The following PAWR variants were observed in gnomAD, a reference collection of about 807,000 sequenced individuals.
PAWR encodes PRKC apoptosis WT1 regulator protein.
PAWR carries 23 observed loss-of-function variants against 32.0 expected under a neutral mutation model. The ratio of observed to expected loss-of-function variants is 0.72; its 90% CI spans 0.52 to 1.02. PAWR has a LOEUF of 1.02. Among genes scored for constraint, PAWR ranks in the 50% least tolerant of loss-of-function variants. PAWR has a pLI of 0.00. For missense variants in PAWR, 457 were observed against 437.7 expected, an observed-to-expected ratio of 1.04 and a Z score of -0.39; for synonymous variants, 226 against 187.1, an observed-to-expected ratio of 1.21 and a Z score of -1.70.
intron 2 of PAWR, chr12:79,632,312 C>CATATATATAT (rs71091677): frequency 3.4e-4 from 4 of 11,604 alleles, no homozygotes; most frequent in East Asian, 4.3e-3. Flanking sequence ...TATATACATA[C>CATATATATAT]ATATATATAT....
At chr12:79,614,866 C>T (rs1874650525) in intron 3 of PAWR, among the ~76,000 whole-genome samples, 1 of 152,152 alleles carries the variant, frequency 6.6e-6, no homozygotes. Flanking sequence ...GGGATCGGAT[C>T]AAGTTTCCAA....
intron 2 of PAWR, among the ~76,000 whole-genome samples, chr12:79,649,432 T>A (rs1373269485): frequency 1.3e-5 from 2 of 152,150 alleles, no homozygotes; most frequent in East Asian, 3.9e-4. Context: ...AATACATGTA[T>A]GTTAGGATAT....
At chr12:79,672,970 C>T (rs1877982222) in intron 2 of PAWR, among the ~76,000 whole-genome samples, 1 of 152,108 alleles carries the variant, frequency 6.6e-6, no homozygotes, top group African/African-American at 2.4e-5. Flanking sequence ...AAACCACTAC[C>T]ACAACGAAAA....
intron 2 of PAWR, among the ~76,000 whole-genome samples, chr12:79,661,824 A>C (rs1214516175): frequency 6.6e-6 from 1 of 152,178 alleles, no homozygotes; most frequent in Non-Finnish European, 1.5e-5. Context: ...TAAGCAGGGG[A>C]GACTACAGAG....
chr12:79,640,203 A>C (rs1876254514), intron 2 of PAWR, among the ~76,000 whole-genome samples: 1 of 152,030 alleles, frequency 6.6e-6, no homozygotes, highest in South Asian at 2.1e-4. Context: ...GTGCCTGGCC[A>C]TAAATCTATT....
rs1874558978 is a variant in PAWR, at chr12:79,613,934, TATATATATATATATATATA to T, written c.649-344_649-326del. ...GGGGCATTAAAAAGTACCACCATTA[TATATATATATATATATATA>T]TATATATATATATATATATATATAT... On this transcript the variant is annotated intron_variant, in intron 3 of 6. Transcript: ENST00000328827. 2.0e-3 allele frequency among the ~76,000 whole-genome samples: 8 copies of T among 3,984 alleles called. 1 individual carries two copies. The highest frequency in any genetic ancestry group is 8.1e-3 in the East Asian group (1 of 124). 2.6% of individuals were successfully genotyped at this position (3,984 alleles called of 152,430 possible).
chr12:79,616,646 A>T (rs1874750449), intron 3 of PAWR, among the ~76,000 whole-genome samples: 1 of 152,216 alleles, frequency 6.6e-6, no homozygotes, highest in Non-Finnish European at 1.5e-5. Context: ...GTATCAGACA[A>T]GTTTTGAGTT....
chr12:79,597,514 T>C (rs891076685), intron 4 of PAWR, among the ~76,000 whole-genome samples: 1 of 152,194 alleles, frequency 6.6e-6, no homozygotes, highest in African/African-American at 2.4e-5. Context: ...GTCCAAATGT[T>C]TTATTAGATT....
intron 2 of PAWR, among the ~76,000 whole-genome samples, chr12:79,643,347 A>AATTTAC (rs1876421317): frequency 6.6e-6 from 1 of 152,152 alleles, no homozygotes; most frequent in Non-Finnish European, 1.5e-5. Flanking sequence ...AAGTAATGAA[A>AATTTAC]ATATACATAA....
chr12:79,662,858 G>C (rs1436210491), intron 2 of PAWR, among the ~76,000 whole-genome samples: 1 of 152,138 alleles, frequency 6.6e-6, no homozygotes, highest in African/African-American at 2.4e-5. Flanking sequence ...TTTTTAAAGT[G>C]CTAATTATTA....
chr12:79,603,652 C>A (rs982378848), intron 4 of PAWR: 2 of 149,354 alleles, frequency 1.3e-5, no homozygotes, highest in Non-Finnish European at 1.5e-5. Flanking sequence ...AATACATAAA[C>A]GGCATCATTA....
At position 79,632,348 on chromosome 12, in the gene PAWR, TATATATATATA is replaced by T. The variant is rs1366734292; in HGVS notation, c.517-11152_517-11142del. On this transcript the variant is annotated intron_variant, in intron 2 of 6. Coordinates refer to ENST00000328827, the MANE Select transcript of PAWR (RefSeq NM_002583.4). ...ATATATATATATATATATATATATA[TATATATATATA>T]TATTTTTTTTTTTTTTTAGACAGGG... is the stretch of plus-strand genomic sequence containing the variant. Among the ~76,000 whole-genome samples the T allele has an allele frequency of 3.5e-3, 238 of 67,300 alleles. 14 individuals are homozygous for T. Among genetic ancestry groups the T allele is most frequent in the Admixed American group, 0.014 (80 of 5,798 alleles). 44.2% of individuals were successfully genotyped at this position (67,300 alleles called of 152,430 possible). A position where few individuals can be genotyped will look rare whatever the true frequency, so the allele number is the denominator to read the frequency against.
chr12:79,686,422 T>C (rs1344650965), intron 2 of PAWR, among the ~76,000 whole-genome samples: 3 of 152,188 alleles, frequency 2.0e-5, no homozygotes, highest in African/African-American at 7.2e-5. Flanking sequence ...TTCATTTCTA[T>C]ACCCAGACTG....
At chr12:79,595,845 T>A (rs1873730595) in intron 5 of PAWR, among the ~76,000 whole-genome samples, 1 of 151,954 alleles carries the variant, frequency 6.6e-6, no homozygotes, top group Non-Finnish European at 1.5e-5. Context: ...AGAGCGAAAC[T>A]CTGTCTCAAA....
At chr12:79,651,578 A>C (rs1192725647) in intron 2 of PAWR, among the ~76,000 whole-genome samples, 1 of 152,120 alleles carries the variant, frequency 6.6e-6, no homozygotes, top group African/African-American at 2.4e-5. Flanking sequence ...CTCAAGTGAC[A>C]TTAAGAAAAA....
chr12:79,618,484 T>C (rs960894063), intron 3 of PAWR, among the ~76,000 whole-genome samples: 3 of 152,198 alleles, frequency 2.0e-5, no homozygotes, highest in African/African-American at 7.2e-5. Flanking sequence ...TTTTGAAATA[T>C]ACATTATTAT....
intron 2 of PAWR, among the ~76,000 whole-genome samples, chr12:79,646,065 G>A (rs571154598): frequency 1.3e-5 from 2 of 152,112 alleles, no homozygotes; most frequent in Admixed American, 6.5e-5. Context: ...GAAGTGTTTC[G>A]GATTTGTGTT....
At chr12:79,597,309 C>G (rs1435215677) in intron 4 of PAWR, among the ~76,000 whole-genome samples, 1 of 152,106 alleles carries the variant, frequency 6.6e-6, no homozygotes, top group African/African-American at 2.4e-5. Flanking sequence ...AAGCGATCCA[C>G]CCACCTCGGC....
At chr12:79,649,483 A>AT (rs1160873576) in intron 2 of PAWR, among the ~76,000 whole-genome samples, 1 of 152,178 alleles carries the variant, frequency 6.6e-6, no homozygotes, top group Non-Finnish European at 1.5e-5. Flanking sequence ...GAGAGTCTAA[A>AT]TACCCATCAA....
Sources: allele counts gnomAD v4.1 joint callset (sites outside exome capture counted in the v4.1 genomes callset), GRCh38; gene constraint gnomAD v4.1.1; transcripts MANE v1.5; gene names NCBI Gene and HGNC (gene_info 2026-07-23, HGNC 2026-07-21).